CSF2RA: variants seen among roughly 807,000 people sequenced by gnomAD.
CSF2RA encodes the protein colony stimulating factor 2 receptor subunit alpha, also known as granulocyte-macrophage colony-stimulating factor receptor subunit alpha.
Under a neutral mutation model 51.6 loss-of-function variants are expected in CSF2RA, and 42 were observed. The ratio of observed to expected loss-of-function variants is 0.81; its 90% CI spans 0.64 to 1.05. The LOEUF (loss-of-function observed/expected upper bound fraction) is 1.05. Among genes scored for constraint, CSF2RA ranks in the 50% least tolerant of loss-of-function variants. The pLI is 0.00. For synonymous variants in CSF2RA, 222 were observed against 193.0 expected, an observed-to-expected ratio of 1.15 and a Z score of -1.24; for missense variants, 530 against 501.1, an observed-to-expected ratio of 1.06 and a Z score of -0.55.
At chrX:1,293,411 G>A (rs1441658751) in intron 7 of CSF2RA, among the ~76,000 whole-genome samples, 5 of 152,070 alleles carry the variant, frequency 3.3e-5, no homozygotes, top group East Asian at 3.9e-4. Flanking sequence ...AGTAGAGACG[G>A]GGTTTCACCG....
In CSF2RA at chrX:1,275,023, T is replaced by A. The variant is rs778415346; in HGVS notation, c.-27+205T>A. Among the ~76,000 whole-genome samples, 6 of 146,536 alleles carry A rather than the reference T, an allele frequency of 4.1e-5. No homozygotes were observed. In the Admixed American group the frequency reaches 4.3e-4, roughly 10 times the overall value. On this transcript the variant is annotated intron_variant, in intron 2 of 12. Coordinates refer to ENST00000381529, the MANE Select transcript of CSF2RA (RefSeq NM_172245.4). ...CCCTCTGAGACAGTACACATCCTCCTGAAGCAGCGTGACAAGGCACATCCT... is the reference window on the plus strand; with the variant it reads ...CCCTCTGAGACAGTACACATCCTCCAGAAGCAGCGTGACAAGGCACATCCT...
chrX:1,280,070 G>A (rs1392643743), intron 2 of CSF2RA, among the ~76,000 whole-genome samples: 6 of 152,008 alleles, frequency 3.9e-5, no homozygotes, highest in East Asian at 3.9e-4. Context: ...GATTACAGGC[G>A]TGAGCCACTG....
chrX:1,321,330 G>A, the CSF2RA span, among the ~76,000 whole-genome samples: 3 of 151,986 alleles, frequency 2.0e-5, no homozygotes, highest in East Asian at 3.9e-4. Flanking sequence ...TTAGCCGGGC[G>A]ACGTGGCAAG....
At chrX:1,305,804 G>A in intron 12 of CSF2RA, 1 of 1,548,546 alleles carries the variant, frequency 6.5e-7, no homozygotes, top group Admixed American at 2.0e-5. Context: ...GAGAGGGCCA[G>A]GCACGGTGGC....
chrX:1,275,242 T>C (rs1192323386), intron 2 of CSF2RA, among the ~76,000 whole-genome samples: 1 of 151,756 alleles, frequency 6.6e-6, no homozygotes, highest in African/African-American at 2.4e-5. Context: ...AATACAAAAA[T>C]TAGCCGGGTG....
intron 1 of CSF2RA, among the ~76,000 whole-genome samples, chrX:1,274,019 C>A (rs1212191548): frequency 6.6e-6 from 1 of 151,900 alleles, no homozygotes; most frequent in Non-Finnish European, 1.5e-5. Flanking sequence ...GCTTGGCGGC[C>A]TCTATTTTAG....
downstream of CSF2RA, among the ~76,000 whole-genome samples, chrX:1,312,316 A>T (rs1352522515): frequency 6.6e-6 from 1 of 152,170 alleles, no homozygotes; most frequent in African/African-American, 2.4e-5. Flanking sequence ...ATATCCCTGG[A>T]ATAAAAGTCC....
rs2090171336 is a variant in CSF2RA at position 1,282,506 on chromosome X, C to T, written c.-26-172C>T. On this transcript the variant is annotated intron_variant, in intron 2 of 12. Coordinates refer to ENST00000381529, the MANE Select transcript of CSF2RA (RefSeq NM_172245.4). ...CCACGTCCTAATCCCATGTGGGAGA[C>T]AGAATAATGGCCCTGCAGACCTTCC... 6.0e-6 allele frequency: 4 copies of T among 669,872 alleles called. No individual in the cohort carries two copies. In the Admixed American group the frequency reaches 9.0e-5, roughly 15 times the overall value. 41.5% of individuals were successfully genotyped at this position (669,872 alleles called of 1,614,324 possible).
the CSF2RA span, among the ~76,000 whole-genome samples, chrX:1,316,240 C>G: frequency 1.9e-5 from 1 of 52,010 alleles, no homozygotes; most frequent in African/African-American, 5.2e-5. Flanking sequence ...TGATAGATGA[C>G]AGATGATAGA....
At chrX:1,315,763 A>C in the CSF2RA span, among the ~76,000 whole-genome samples, 1 of 141,240 alleles carries the variant, frequency 7.1e-6, no homozygotes, top group African/African-American at 2.7e-5. Context: ...AAATAGATAA[A>C]ATAGATAATA....
the CSF2RA span, among the ~76,000 whole-genome samples, chrX:1,324,834 G>A: frequency 2.0e-3 from 299 of 152,164 alleles, 1 homozygote; most frequent in Non-Finnish European, 3.3e-3. Flanking sequence ...CTCACCCGGA[G>A]GTGCAGACTC....
intron 10 of CSF2RA, chrX:1,302,875 T>A (rs2148634926): frequency 4.0e-6 from 1 of 249,290 alleles, no homozygotes; most frequent in South Asian, 1.8e-4. Context: ...ATATTTTTAT[T>A]TATTTATTTA....
downstream of CSF2RA, among the ~76,000 whole-genome samples, chrX:1,311,975 G>C (rs1423297325): frequency 6.6e-6 from 1 of 151,528 alleles, no homozygotes; most frequent in Non-Finnish European, 1.5e-5. Context: ...ATTATTATTT[G>C]AGATGGAGTC....
the CSF2RA span, among the ~76,000 whole-genome samples, chrX:1,323,906 C>T: frequency 1.3e-5 from 2 of 151,186 alleles, no homozygotes; most frequent in East Asian, 1.9e-4. Flanking sequence ...CCCAGCTACT[C>T]GGGAGGCTGA....
chrX:1,286,850 G>A (rs1486721951), intron 4 of CSF2RA, among the ~76,000 whole-genome samples: 2 of 152,102 alleles, frequency 1.3e-5, no homozygotes, highest in Non-Finnish European at 2.9e-5. Flanking sequence ...TAAAGTGTCA[G>A]TCACGTTGTC....
rs569375164 is a variant in CSF2RA, at chrX:1,271,850, G to C, written c.-90-2905G>C. ...CTCTTTAGATTTTTGGTTTAAACTC[G>C]AGAAGCTCTTCTCGAGGGCTGAAAG... On this transcript the variant is annotated intron_variant, in intron 1 of 12. Transcript: ENST00000381529. Among the ~76,000 whole-genome samples, 216 of 152,164 alleles carry C rather than the reference G, an allele frequency of 1.4e-3. 1 individual carries two copies. Among genetic ancestry groups the C allele is most frequent in the African/African-American group, 4.8e-3 (200 of 41,524 alleles).
rs375893469 is a variant in CSF2RA, at chrX:1,280,853, TCTC to T, written c.-26-1807_-26-1805del. On this transcript the variant is annotated intron_variant, in intron 2 of 12. Coordinates refer to ENST00000381529, the MANE Select transcript of CSF2RA (RefSeq NM_172245.4). ...CTTCTTTTCTCCTCCTTCCTCTCCT[TCTC>T]CTCCTCCTCCTCCTCCTTCTCCTGC... Among the ~76,000 whole-genome samples, 114 of 76,798 alleles carry T rather than the reference TCTC, an allele frequency of 1.5e-3. 1 individual carries two copies. Among genetic ancestry groups the T allele is most frequent in the South Asian group, 9.1e-3 (19 of 2,084 alleles). 50.4% of individuals were successfully genotyped at this position (76,798 alleles called of 152,430 possible).
intron 9 of CSF2RA, chrX:1,300,229 T>TA (rs1174345731): frequency 1.8e-5 from 7 of 392,928 alleles, no homozygotes; most frequent in African/African-American, 1.0e-4. Context: ...AAAAAATAAA[T>TA]AAATAAAATA....
chrX:1,278,677 C>T (rs2089508740), intron 2 of CSF2RA, among the ~76,000 whole-genome samples: 1 of 141,196 alleles, frequency 7.1e-6, no homozygotes, highest in Admixed American at 7.3e-5. Context: ...CAGAATGAGA[C>T]TCAGTCTAAA....
Sources: gnomAD v4.1 joint callset for allele counts (sites outside exome capture counted in the v4.1 genomes callset) on GRCh38, gnomAD v4.1.1 for gene constraint, MANE v1.5 for transcripts, NCBI Gene and HGNC (gene_info 2026-07-23, HGNC 2026-07-21) for gene names.